Variants in TOGARAM2 observed in about 807,000 individuals in gnomAD.
TOGARAM2 encodes the protein TOG array regulator of axonemal microtubules protein 2.
A neutral mutation model predicts 93.3 loss-of-function variants in TOGARAM2; 85 were observed. The ratio of observed to expected loss-of-function variants is 0.91; its 90% CI spans 0.76 to 1.09. The LOEUF (loss-of-function observed/expected upper bound fraction) is 1.09, where lower values mean the gene tolerates loss of function less well. TOGARAM2 is among the 50% of genes least tolerant of loss of function. The pLI, the probability that TOGARAM2 is intolerant of heterozygous loss-of-function variation, is 0.00. For missense variants in TOGARAM2, 1,277 were observed against 1,334.5 expected, an observed-to-expected ratio of 0.96 and a Z score of 0.67; for synonymous variants, 593 against 552.8, an observed-to-expected ratio of 1.07 and a Z score of -1.02.
chr2:29,009,406 T>C (rs1193974059), intron 6 of TOGARAM2, among the ~76,000 whole-genome samples: 1 of 151,934 alleles, frequency 6.6e-6, no homozygotes, highest in African/African-American at 2.4e-5. Context: ...AAGGCCATGT[T>C]GGCAACCTCA....
intron 1 of TOGARAM2, among the ~76,000 whole-genome samples, chr2:28,983,949 G>A (rs1394723886): frequency 6.6e-6 from 1 of 151,972 alleles, no homozygotes; most frequent in Non-Finnish European, 1.5e-5. Flanking sequence ...TTCCTCCTCT[G>A]TTGGGTGCCT....
At chr2:29,039,106 A>G (rs988750252) in intron 18 of TOGARAM2, among the ~76,000 whole-genome samples, 141 of 152,148 alleles carry the variant, frequency 9.3e-4, no homozygotes, top group African/African-American at 3.0e-3. Context: ...CGGACGGAAG[A>G]GAAGGGGTAT....
rs780516994 is a variant in TOGARAM2, at chr2:29,001,966, G to A, written c.428-570G>A. Reference sequence around the variant, plus strand: ...CCTTTGCCTGAGGCATGGCTGTGGGGTGAGATGGGGTGGGGCACAGGGCGC... The same window carrying A: ...CCTTTGCCTGAGGCATGGCTGTGGGATGAGATGGGGTGGGGCACAGGGCGC... On this transcript the variant is annotated intron_variant, in intron 4 of 19. Coordinates refer to ENST00000379558, the MANE Select transcript of TOGARAM2 (RefSeq NM_199280.4). Among the ~76,000 whole-genome samples the A allele has an allele frequency of 1.4e-4, 21 of 152,218 alleles. 1 individual carries two copies. The Middle Eastern group carries it at 0.014, about 99-fold the overall frequency.
At chr2:28,973,065 C>T (rs1191117758) in intron 1 of TOGARAM2, among the ~76,000 whole-genome samples, 1 of 152,182 alleles carries the variant, frequency 6.6e-6, no homozygotes, top group Non-Finnish European at 1.5e-5. Context: ...TTCGCTGTTG[C>T]TCATGTGATG....
At chr2:28,983,615 C>T (rs1337083879) in intron 1 of TOGARAM2, among the ~76,000 whole-genome samples, 1 of 152,118 alleles carries the variant, frequency 6.6e-6, no homozygotes, top group Non-Finnish European at 1.5e-5. Context: ...CTGCTCTGGA[C>T]ACTCTCGAGC....
At position 29,051,995 on chromosome 2, in the gene TOGARAM2, G is replaced by C; in HGVS notation, c.2962G>C (p.Asp988His). The C allele has an allele frequency of 1.9e-6, 3 of 1,613,304 alleles. No individual in the cohort carries two copies. The highest frequency in any genetic ancestry group is 2.5e-6 in the Non-Finnish European group (3 of 1,179,774). Residue 988 changes from aspartate to histidine, a missense_variant, in exon 20 of 20, where the codon GAC becomes CAC. Asp to His is a moderately conservative substitution (Grantham distance 81, BLOSUM62 -1). Coordinates refer to ENST00000379558, the MANE Select transcript of TOGARAM2 (RefSeq NM_199280.4). Reference protein sequence around the residue: ...HVLKTLQELLDSESLGGSRKA... With the variant: ...HVLKTLQELLHSESLGGSRKA... Reference sequence around the variant, plus strand: ...CCTCAAGACGCTCCAGGAACTCTTAGACTCAGAGTCCTTGGGAGGCAGCCG... The same window carrying C: ...CCTCAAGACGCTCCAGGAACTCTTACACTCAGAGTCCTTGGGAGGCAGCCG...
At chr2:28,986,653 C>A (rs182420617) in intron 1 of TOGARAM2, among the ~76,000 whole-genome samples, 1,823 of 152,334 alleles carry the variant, frequency 0.012, 34 homozygotes, top group African/African-American at 0.042. Context: ...GAAGGACCTC[C>A]TGCTGCACAA....
At chr2:29,012,580 G>A (rs1192695199) in intron 7 of TOGARAM2, among the ~76,000 whole-genome samples, 3 of 152,204 alleles carry the variant, frequency 2.0e-5, no homozygotes, top group Non-Finnish European at 4.4e-5. Context: ...TCTCCAGCTT[G>A]CTGCTTGAGA....
chr2:28,979,276 G>A (rs1672079373), upstream of TOGARAM2, among the ~76,000 whole-genome samples: 5 of 152,286 alleles, frequency 3.3e-5, no homozygotes, highest in South Asian at 2.1e-4. Context: ...CCTGGGATTC[G>A]CTCTCTGTCC....
intron 1 of TOGARAM2, among the ~76,000 whole-genome samples, chr2:28,983,192 ATATATATTTT>A (rs1672293864): frequency 4.1e-5 from 2 of 48,938 alleles, no homozygotes; most frequent in African/African-American, 1.2e-4. Context: ...ATATATATAT[ATATATATTTT>A]TTTTTTTTTT....
At chr2:28,961,295 A>G (rs571728981) in intron 1 of TOGARAM2, among the ~76,000 whole-genome samples, 10 of 152,096 alleles carry the variant, frequency 6.6e-5, no homozygotes, top group Non-Finnish European at 1.2e-4. Flanking sequence ...GCAGTAGACA[A>G]AGGCTTTTGT....
At chr2:29,021,102 CAG>C (rs1183669663) in intron 10 of TOGARAM2, among the ~76,000 whole-genome samples, 3 of 152,168 alleles carry the variant, frequency 2.0e-5, no homozygotes, top group Non-Finnish European at 4.4e-5. Flanking sequence ...TTAGTAAAGA[CAG>C]GGTTTCACCA....
chr2:28,970,720 G>A (rs1188504057), intron 1 of TOGARAM2, among the ~76,000 whole-genome samples: 2 of 152,180 alleles, frequency 1.3e-5, no homozygotes, highest in Non-Finnish European at 2.9e-5. Context: ...CACTCTATTG[G>A]CTGACCTGAG....
At chr2:28,965,939 T>C (rs1671859717) in intron 1 of TOGARAM2, among the ~76,000 whole-genome samples, 1 of 152,192 alleles carries the variant, frequency 6.6e-6, no homozygotes, top group African/African-American at 2.4e-5. Context: ...TGTTTCACAC[T>C]TTGTCCAGTT....
At chr2:29,000,297 T>C (rs1318324949) in intron 4 of TOGARAM2, among the ~76,000 whole-genome samples, 1 of 152,066 alleles carries the variant, frequency 6.6e-6, no homozygotes, top group East Asian at 1.9e-4. Context: ...CTTTATACTG[T>C]CTCTCATCTG....
intron 1 of TOGARAM2, among the ~76,000 whole-genome samples, chr2:28,972,680 G>T (rs1671965422): frequency 6.6e-6 from 1 of 152,178 alleles, no homozygotes; most frequent in Non-Finnish European, 1.5e-5. Flanking sequence ...GGCAAGTCTG[G>T]CCAAAGGCAT....
chr2:28,983,529 G>A (rs1476004167), intron 1 of TOGARAM2, among the ~76,000 whole-genome samples: 2 of 152,040 alleles, frequency 1.3e-5, no homozygotes, highest in East Asian at 1.9e-4. Flanking sequence ...TATGTTGTGA[G>A]TGCACCATGA....
At chr2:29,027,050 C>A in intron 14 of TOGARAM2, 39 bp downstream of exon 14, 1 of 1,515,262 alleles carries the variant, frequency 6.6e-7, no homozygotes. Flanking sequence ...GAGAAGGCAA[C>A]CAACCAGCCA....
At chr2:29,023,492 A>C (rs1422516897) in intron 12 of TOGARAM2, among the ~76,000 whole-genome samples, 5 of 152,370 alleles carry the variant, frequency 3.3e-5, no homozygotes, top group African/African-American at 1.2e-4. Context: ...GTCCAGGGCC[A>C]GATCCCCAAC....
Sources: gnomAD v4.1 joint callset for allele counts (sites outside exome capture counted in the v4.1 genomes callset) on GRCh38, gnomAD v4.1.1 for gene constraint, MANE v1.5 for transcripts, NCBI Gene and HGNC (gene_info 2026-07-23, HGNC 2026-07-21) for gene names.